PLEKHA6: variants seen among roughly 807,000 people sequenced by gnomAD.
PLEKHA6 encodes pleckstrin homology domain containing A6.
In PLEKHA6, 60 loss-of-function variants were observed where a neutral mutation model predicts 116.7. The observed-to-expected ratio is 0.51, with a 90% confidence interval of 0.42 to 0.64. The LOEUF (loss-of-function observed/expected upper bound fraction) is 0.64, where lower values mean the gene tolerates loss of function less well. Ranked by LOEUF, PLEKHA6 falls within the 30% of genes least tolerant of loss-of-function variation. The pLI, the probability that PLEKHA6 is intolerant of heterozygous loss-of-function variation, is 0.00. For missense variants in PLEKHA6, 1,338 were observed against 1,422.7 expected (o/e 0.94, Z 0.96); for synonymous variants, 489 against 556.1 (o/e 0.88, Z 1.70).
upstream of PLEKHA6, among the ~76,000 whole-genome samples, chr1:204,362,951 G>A (rs759887287): frequency 1.1e-4 from 16 of 152,196 alleles, no homozygotes; most frequent in Non-Finnish European, 2.1e-4. Flanking sequence ...CTGCAAATGG[G>A]CTTCTTTGAA....
intron 1 of PLEKHA6, among the ~76,000 whole-genome samples, chr1:204,284,639 C>G (rs1382303574): frequency 6.6e-6 from 1 of 151,976 alleles, no homozygotes; most frequent in African/African-American, 2.4e-5. Context: ...TCCCCTGACG[C>G]CCCCGAGAGG....
At chr1:204,248,757 A>G in intron 12 of PLEKHA6, 64 bp downstream of exon 12, 1 of 1,471,152 alleles carries the variant, frequency 6.8e-7, no homozygotes, top group Non-Finnish European at 9.4e-7. Context: ...ACAAGCTGGG[A>G]GGTGGTGGCC....
chr1:204,234,860 T>G (rs531007376), intron 17 of PLEKHA6, among the ~76,000 whole-genome samples: 3 of 151,000 alleles, frequency 2.0e-5, no homozygotes, highest in Admixed American at 6.6e-5. Context: ...TCTTCAGTTT[T>G]GGGACTTGGA....
chr1:204,282,626 A>G (rs12124529), intron 1 of PLEKHA6: 166,519 of 982,424 alleles, frequency 0.17, 14,744 homozygotes, highest in East Asian at 0.3. Flanking sequence ...GGGTACAGCC[A>G]GTCCTTAACT....
intron 1 of PLEKHA6, among the ~76,000 whole-genome samples, chr1:204,354,296 G>A (rs1673360624): frequency 6.6e-6 from 1 of 152,228 alleles, no homozygotes; most frequent in African/African-American, 2.4e-5. Context: ...ACTGATGCAT[G>A]TTTATCAGAT....
rs1441248791 is a variant in PLEKHA6, at chr1:204,223,705, G to C, written c.3032-120C>G. 6.4e-6 allele frequency: 4 copies of C among 624,460 alleles called. No homozygotes were observed. Among genetic ancestry groups the C allele is most frequent in the African/African-American group, 3.7e-5 (2 of 54,156 alleles). 38.7% of individuals were successfully genotyped at this position (624,460 alleles called of 1,614,324 possible). ...AGGCAGGGAGGCAAGCGAAGAGAGA[G>C]CACTGAGCTTGGAGCTTGCTCAAGC... On this transcript the variant is annotated intron_variant, in intron 21 of 22. Coordinates refer to ENST00000272203, the MANE Select transcript of PLEKHA6 (RefSeq NM_014935.5). This position sits in a 1 kb window ranked among gnomAD's most constrained non-coding sequence, Gnocchi z 4.8.
intron 1 of PLEKHA6, among the ~76,000 whole-genome samples, chr1:204,311,103 A>T (rs1328337769): frequency 6.6e-6 from 1 of 152,220 alleles, no homozygotes; most frequent in Non-Finnish European, 1.5e-5. Flanking sequence ...GGCCTCAGCA[A>T]CCACTATGAA....
At position 204,228,072 on chromosome 1, in the gene PLEKHA6, G is replaced by C. The variant is rs878984627; in HGVS notation, c.3031+11C>G. On this transcript the variant is annotated intron_variant, in intron 21 of 22. Transcript: ENST00000272203. The surrounding 1 kb of genome is among the most constrained non-coding windows in gnomAD (Gnocchi z 4.0). The stretch of plus-strand genomic sequence containing the variant: ...CCCTGGCAGGGTGGAGCGAGGCCCA[G>C]CCCCTCTCACCAGACAGCATGCGGC... The C allele has an allele frequency of 6.2e-7, 1 of 1,610,380 alleles. No homozygotes were observed. Among genetic ancestry groups the C allele is most frequent in the South Asian group, 1.1e-5 (1 of 90,822 alleles).
At chr1:204,325,268 C>A (rs1401238624) in intron 1 of PLEKHA6, among the ~76,000 whole-genome samples, 1 of 152,076 alleles carries the variant, frequency 6.6e-6, no homozygotes, top group African/African-American at 2.4e-5. Flanking sequence ...AAAACGAATG[C>A]CAGGAAGAAA....
intron 1 of PLEKHA6, among the ~76,000 whole-genome samples, chr1:204,348,866 G>T (rs1673173044): frequency 6.6e-6 from 1 of 152,132 alleles, no homozygotes. Context: ...AGGCTTTCCT[G>T]TCAAAAAACC....
intron 1 of PLEKHA6, chr1:204,275,856 T>C (rs1342500496): frequency 1.7e-5 from 5 of 290,002 alleles, no homozygotes; most frequent in Non-Finnish European, 2.1e-5. Flanking sequence ...TGAGAAATAC[T>C]GTGAGAACCC....
Position 204,228,647 on chromosome 1 carries a change from G to T in PLEKHA6, c.2885+81C>A. The stretch of plus-strand genomic sequence containing the variant: ...GTGCTCTCCCCTGGGGAGGCTCTGT[G>T]CCCCCAACGACTTCTAGTGGCCCAG... On this transcript the variant is annotated intron_variant, in intron 20 of 22. Transcript: ENST00000272203. This position sits in a 1 kb window ranked among gnomAD's most constrained non-coding sequence, Gnocchi z 4.0. The T allele has an allele frequency of 7.5e-7, 1 of 1,339,088 alleles. No individual in the cohort carries two copies. Among genetic ancestry groups the T allele is most frequent in the Non-Finnish European group, 1.1e-6 (1 of 935,232 alleles). 83.0% of individuals were successfully genotyped at this position (1,339,088 alleles called of 1,614,324 possible).
At chr1:204,263,862 C>G (rs1470089888) in intron 6 of PLEKHA6, among the ~76,000 whole-genome samples, 1 of 152,086 alleles carries the variant, frequency 6.6e-6, no homozygotes, top group East Asian at 1.9e-4. Context: ...ATTGTTCATT[C>G]TCTTCACACC....
chr1:204,357,977 C>G (rs1362577187), intron 1 of PLEKHA6, among the ~76,000 whole-genome samples: 1 of 152,208 alleles, frequency 6.6e-6, no homozygotes. Context: ...TCCAGGCAGA[C>G]ACATTCAAAG....
chr1:204,238,273 T>C lies in PLEKHA6; in HGVS notation c.2409+3102A>G, dbSNP rs1008699891. Among the ~76,000 whole-genome samples, 2 of 152,260 alleles carry C rather than the reference T, an allele frequency of 1.3e-5. No individual in the cohort carries two copies. Among genetic ancestry groups the C allele is most frequent in the Non-Finnish European group, 2.9e-5 (2 of 68,016 alleles). ...CCAGCGGATCCAATGGTGCTTGAGGTGTCAGTGACAGATCGGGATGCTGTT... is the reference window on the plus strand; with the variant it reads ...CCAGCGGATCCAATGGTGCTTGAGGCGTCAGTGACAGATCGGGATGCTGTT... On this transcript the variant is annotated intron_variant, in intron 17 of 22. Transcript: ENST00000272203. This position sits in a 1 kb window ranked among gnomAD's most constrained non-coding sequence, Gnocchi z 4.2.
chr1:204,307,677 C>T (rs933243158), intron 1 of PLEKHA6, among the ~76,000 whole-genome samples: 2 of 152,246 alleles, frequency 1.3e-5, no homozygotes. Flanking sequence ...CCCTCGCGTT[C>T]CCCTCACTCC....
At position 204,240,716 on chromosome 1, in the gene PLEKHA6, T is replaced by C. The variant is rs530577890; in HGVS notation, c.2409+659A>G. 7.6e-4 allele frequency among the ~76,000 whole-genome samples: 115 copies of C among 152,316 alleles called. 1 individual carries two copies. Among genetic ancestry groups the C allele is most frequent in the South Asian group, 6.2e-3 (30 of 4,820 alleles). On this transcript the variant is annotated intron_variant, in intron 17 of 22. Transcript: ENST00000272203. ...TATGTATGATCTCAGGAGATGTGTATGGGTTCAAGTTGACAAGGGGTGGAC... is the reference window on the plus strand; with the variant it reads ...TATGTATGATCTCAGGAGATGTGTACGGGTTCAAGTTGACAAGGGGTGGAC...
intron 1 of PLEKHA6, among the ~76,000 whole-genome samples, chr1:204,374,312 T>G (rs1181535870): frequency 2.0e-5 from 3 of 152,182 alleles, no homozygotes; most frequent in Non-Finnish European, 4.4e-5. Flanking sequence ...AGAATCTTCT[T>G]CAAGGTCCCC....
In PLEKHA6 at chr1:204,257,482, G is replaced by A. The variant is rs907568263; in HGVS notation, c.1395C>T (p.Tyr465=). The change falls in exon 9 of 23, where the codon TAC becomes TAT. Residue 465 remains tyrosine, a synonymous_variant. Transcript: ENST00000272203. The surrounding 1 kb of genome is among the most constrained non-coding windows in gnomAD (Gnocchi z 6.5). ...CAGGGGAGTAAATGCGGGCACGGCT[G>A]TAGGAGCCCTGGCTGGGTGAGCGGG... ...SVPRSPSQGS[Y]SRARIYSPVR... The A allele has an allele frequency of 6.3e-7, 1 of 1,580,010 alleles. No individual in the cohort carries two copies. Among genetic ancestry groups the A allele is most frequent in the Non-Finnish European group, 8.6e-7 (1 of 1,161,464 alleles).
Sources: allele counts gnomAD v4.1 joint callset (sites outside exome capture counted in the v4.1 genomes callset), GRCh38; gene constraint gnomAD v4.1.1; non-coding constraint Gnocchi (gnomAD v3.1); transcripts MANE v1.5; gene names NCBI Gene and HGNC (gene_info 2026-07-23, HGNC 2026-07-21).